Variants in ITPKB observed in about 807,000 individuals in gnomAD.
ITPKB encodes inositol-trisphosphate 3-kinase B.
Under a neutral mutation model 69.4 loss-of-function variants are expected in ITPKB, and 13 were observed. The observed-to-expected ratio is 0.19, with a 90% CI of 0.12 to 0.30. The LOEUF (loss-of-function observed/expected upper bound fraction) is 0.30, where lower values mean the gene tolerates loss of function less well. Among genes scored for constraint, ITPKB ranks in the 10% least tolerant of loss-of-function variants. ITPKB has a pLI of 1.00. For missense variants in ITPKB, 1,240 were observed against 1,250.5 expected, an observed-to-expected ratio of 0.99 and a Z score of 0.13; for synonymous variants, 584 against 513.7, an observed-to-expected ratio of 1.14 and a Z score of -1.85.
intron 4 of ITPKB, among the ~76,000 whole-genome samples, chr1:226,646,344 G>C (rs564773831): frequency 6.6e-6 from 1 of 152,202 alleles, no homozygotes; most frequent in East Asian, 1.9e-4. Flanking sequence ...ACTCAGGGTG[G>C]AAGGGCAGCA....
intron 2 of ITPKB, among the ~76,000 whole-genome samples, chr1:226,655,370 G>A (rs1330577084): frequency 1.3e-5 from 2 of 152,228 alleles, no homozygotes; most frequent in Non-Finnish European, 2.9e-5. Flanking sequence ...GCCTCCTGGG[G>A]AGGAAATGGC....
intron 4 of ITPKB, among the ~76,000 whole-genome samples, chr1:226,645,981 A>C (rs898253818): frequency 1.3e-5 from 2 of 152,194 alleles, no homozygotes; most frequent in South Asian, 2.1e-4. Flanking sequence ...GAAAGGAAAG[A>C]AGGAAAGAAA....
intron 2 of ITPKB, among the ~76,000 whole-genome samples, chr1:226,671,626 T>C (rs1669620357): frequency 6.6e-6 from 1 of 152,146 alleles, no homozygotes; most frequent in Non-Finnish European, 1.5e-5. Context: ...ATCCTGAAGA[T>C]AAATAAAGCC....
chr1:226,711,604 A>C (rs2102637518), intron 2 of ITPKB, among the ~76,000 whole-genome samples: 2 of 152,212 alleles, frequency 1.3e-5, no homozygotes, highest in East Asian at 1.9e-4. Context: ...GTTTGAAAAA[A>C]CTACCCAGGG....
At chr1:226,720,566 G>A (rs1424254403) in intron 2 of ITPKB, among the ~76,000 whole-genome samples, 2 of 152,144 alleles carry the variant, frequency 1.3e-5, no homozygotes, top group East Asian at 1.9e-4. Flanking sequence ...TGAATGCCCT[G>A]CAAAAATTAC....
At chr1:226,685,351 C>T (rs1367623652) in intron 2 of ITPKB, among the ~76,000 whole-genome samples, 1 of 152,166 alleles carries the variant, frequency 6.6e-6, no homozygotes, top group Non-Finnish European at 1.5e-5. Context: ...TAAGTCCTGG[C>T]GACATTGACC....
chr1:226,710,601 G>A (rs1656923520), intron 2 of ITPKB, among the ~76,000 whole-genome samples: 1 of 152,208 alleles, frequency 6.6e-6, no homozygotes, highest in African/African-American at 2.4e-5. Flanking sequence ...GGAGCAGAGA[G>A]GTCCCCTCTT....
chr1:226,650,879 TTGGA>T (rs1309357355), intron 2 of ITPKB, among the ~76,000 whole-genome samples: 1 of 152,172 alleles, frequency 6.6e-6, no homozygotes, highest in Non-Finnish European at 1.5e-5. Flanking sequence ...ACCAGGCTCC[TTGGA>T]TGGATGGACA....
chr1:226,731,830 G>A (rs1278459004), intron 2 of ITPKB, among the ~76,000 whole-genome samples: 1 of 152,090 alleles, frequency 6.6e-6, no homozygotes, highest in Non-Finnish European at 1.5e-5. Flanking sequence ...TCAGAAAACA[G>A]CATATGCAAC....
Position 226,633,518 on chromosome 1 carries a change from GTGCC to G in ITPKB, c.*1149_*1152del, listed in dbSNP as rs1668765802. 1.3e-5 allele frequency: 2 copies of G among 152,230 alleles called. 1 individual carries two copies. The highest frequency in any genetic ancestry group is 4.8e-5 in the African/African-American group (2 of 41,450). 9.4% of individuals were successfully genotyped at this position (152,230 alleles called of 1,614,324 possible). On this transcript the variant is annotated 3_prime_UTR_variant, in exon 8 of 8. Coordinates refer to ENST00000429204, the MANE Select transcript of ITPKB (RefSeq NM_002221.4). ...CCAAATGCAGAGACTTCAGGAAGAG[GTGCC>G]TGGAGCACGCCCTGGCATCCACCAC...
chr1:226,686,411 T>C (rs1290586841), intron 2 of ITPKB, among the ~76,000 whole-genome samples: 1 of 152,202 alleles, frequency 6.6e-6, no homozygotes, highest in African/African-American at 2.4e-5. Flanking sequence ...TAGATTGGGG[T>C]TCCCAGGAGC....
rs1365877352 is a variant in ITPKB, at chr1:226,713,819, A to G, written c.1932+21708T>C. ...ATAACAATCAGTGTCCTGAACAACT[A>G]CCCCTCCACATAAAACAATCTACCA... On this transcript the variant is annotated intron_variant, in intron 2 of 7. Coordinates refer to ENST00000429204, the MANE Select transcript of ITPKB (RefSeq NM_002221.4). 4.6e-5 allele frequency among the ~76,000 whole-genome samples: 7 copies of G among 152,010 alleles called. No individual in the cohort carries two copies. In the East Asian group the frequency reaches 1.3e-3, roughly 29 times the overall value.
intron 2 of ITPKB, among the ~76,000 whole-genome samples, chr1:226,666,967 C>T (rs1390389089): frequency 6.6e-6 from 1 of 152,218 alleles, no homozygotes; most frequent in Non-Finnish European, 1.5e-5. Flanking sequence ...CCAACACACA[C>T]CACACTGCTT....
At chr1:226,723,197 T>C (rs1204131217) in intron 2 of ITPKB, among the ~76,000 whole-genome samples, 1 of 152,064 alleles carries the variant, frequency 6.6e-6, no homozygotes. Context: ...GGCTTTTCCT[T>C]CCACTCCACC....
rs192987858 is a variant in ITPKB at position 226,667,032 on chromosome 1, C to T, written c.1933-18261G>A. ...TCTGGCTGGAAGACCCTTCCCCTAACCTACCGAGAGAACTCTTCTTCATTC... is the reference window on the plus strand; with the variant it reads ...TCTGGCTGGAAGACCCTTCCCCTAATCTACCGAGAGAACTCTTCTTCATTC... On this transcript the variant is annotated intron_variant, in intron 2 of 7. Coordinates refer to ENST00000429204, the MANE Select transcript of ITPKB (RefSeq NM_002221.4). Among the ~76,000 whole-genome samples, 257 of 152,328 alleles carry T rather than the reference C, an allele frequency of 1.7e-3. 2 individuals carry two copies. Among genetic ancestry groups the T allele is most frequent in the African/African-American group, 6.0e-3 (249 of 41,558 alleles).
intron 2 of ITPKB, among the ~76,000 whole-genome samples, chr1:226,711,403 G>C (rs1656947961): frequency 1.1e-5 from 1 of 92,474 alleles, no homozygotes; most frequent in African/African-American, 4.8e-5. Context: ...AGGGTGTTTT[G>C]AAAGAGAGAG....
At chr1:226,691,301 A>G (rs1453506335) in intron 2 of ITPKB, among the ~76,000 whole-genome samples, 2 of 152,060 alleles carry the variant, frequency 1.3e-5, no homozygotes, top group East Asian at 3.9e-4. Flanking sequence ...TTCCTCAAAC[A>G]AACTCTGGGC....
At chr1:226,701,379 C>T (rs181883433) in intron 2 of ITPKB, among the ~76,000 whole-genome samples, 661 of 151,674 alleles carry the variant, frequency 4.4e-3, no homozygotes, top group African/African-American at 0.015. Flanking sequence ...CCGAGGCAGG[C>T]GGATCACGAG....
intron 6 of ITPKB, among the ~76,000 whole-genome samples, chr1:226,638,637 C>T (rs1438046297): frequency 1.3e-5 from 2 of 152,094 alleles, no homozygotes; most frequent in African/African-American, 4.8e-5. Flanking sequence ...ATCCAGTCTG[C>T]GAGCCGCTGC....
Sources: allele counts gnomAD v4.1 joint callset (sites outside exome capture counted in the v4.1 genomes callset), GRCh38; gene constraint gnomAD v4.1.1; transcripts MANE v1.5; gene names NCBI Gene and HGNC (gene_info 2026-07-23, HGNC 2026-07-21).